Variants in NUP155 observed in about 807,000 individuals in gnomAD.
The protein encoded by NUP155 is nucleoporin 155.
Under a neutral mutation model 180.4 loss-of-function variants are expected in NUP155, and 71 were observed. The ratio of observed to expected loss-of-function variants is 0.39; its 90% CI spans 0.33 to 0.48. The LOEUF is 0.48. NUP155 is among the 20% of genes least tolerant of loss of function. The probability of loss-of-function intolerance (pLI) is 0.91; values close to 1 mark genes in which losing one functional copy is unlikely to be tolerated. For synonymous variants in NUP155, 582 were observed against 559.5 expected, an observed-to-expected ratio of 1.04 and a Z score of -0.57; for missense variants, 1,553 against 1,648.9, an observed-to-expected ratio of 0.94 and a Z score of 1.01.
chr5:37,357,324 G>A (rs570739666), intron 4 of NUP155, among the ~76,000 whole-genome samples: 2 of 145,458 alleles, frequency 1.4e-5, no homozygotes, highest in East Asian at 2.1e-4. Flanking sequence ...CTGAGCCTGG[G>A]AGGTTGAGGC....
At chr5:37,296,003 G>C (rs1297219883) in intron 32 of NUP155, among the ~76,000 whole-genome samples, 1 of 135,062 alleles carries the variant, frequency 7.4e-6, no homozygotes, top group African/African-American at 2.9e-5. Context: ...GGAGGGAGGA[G>C]GGGGGGGTCA....
chr5:37,295,181 C>T (rs1237104956), intron 32 of NUP155, among the ~76,000 whole-genome samples: 3 of 152,024 alleles, frequency 2.0e-5, no homozygotes, highest in Admixed American at 6.6e-5. Flanking sequence ...CGAGTGCCTG[C>T]GATTGCAGGT....
At chr5:37,365,707 CGGG>C (rs35648915) in intron 1 of NUP155, among the ~76,000 whole-genome samples, 3 of 14,226 alleles carry the variant, frequency 2.1e-4, no homozygotes, top group African/African-American at 3.8e-4. Context: ...GACTCTGTCT[CGGG>C]GAGAAAAAAA....
chr5:37,320,440 C>T (rs764397419), intron 20 of NUP155, among the ~76,000 whole-genome samples: 4 of 151,996 alleles, frequency 2.6e-5, no homozygotes, highest in Non-Finnish European at 4.4e-5. Flanking sequence ...ATCATGCCAT[C>T]GCACTCCAGC....
chr5:37,335,380 GAAA>G (rs5867345), intron 12 of NUP155, among the ~76,000 whole-genome samples: 5 of 116,624 alleles, frequency 4.3e-5, no homozygotes, highest in Admixed American at 8.9e-5. Flanking sequence ...CCCTGTCTCA[GAAA>G]AAAAAAAAAA....
chr5:37,316,590 G>A (rs372854635), intron 21 of NUP155, among the ~76,000 whole-genome samples: 64 of 152,058 alleles, frequency 4.2e-4, no homozygotes, highest in Admixed American at 3.0e-3. Flanking sequence ...TCGGCCTCCC[G>A]AGCAGCTGGG....
chr5:37,364,926 G>A (rs901442596), intron 1 of NUP155, among the ~76,000 whole-genome samples: 1 of 151,452 alleles, frequency 6.6e-6, no homozygotes, highest in South Asian at 2.1e-4. Flanking sequence ...GTGAGCCACC[G>A]TGCCCAGCTG....
Position 37,310,618 on chromosome 5 carries a change from G to T in NUP155, c.2562C>A (p.Gly854=), listed in dbSNP as rs113431287. The T allele has an allele frequency of 5.7e-5, 92 of 1,613,410 alleles. No individual in the cohort carries two copies. The highest frequency in any genetic ancestry group is 7.6e-5 in the Non-Finnish European group (90 of 1,179,672). ...CYIRDNAAVD[G]ISLHLQDICP... ...AGATATCCTGTAAATGTAAACTAAT[G>T]CCATCAACAGCGGCATTATCTCTGA... The change falls in exon 23 of 35, where the codon GGC becomes GGA. Residue 854 remains glycine (G), a synonymous_variant. Coordinates refer to ENST00000231498, the MANE Select transcript of NUP155 (RefSeq NM_153485.3).
intron 1 of NUP155, chr5:37,370,573 G>C: frequency 8.8e-7 from 1 of 1,134,400 alleles, no homozygotes; most frequent in Non-Finnish European, 1.2e-6. Context: ...TTAAGGTTGA[G>C]GTCTTTGCCT....
At position 37,333,407 on chromosome 5, in the gene NUP155, C is replaced by G. The variant is rs549481956; in HGVS notation, c.1518+56G>C. On this transcript the variant is annotated intron_variant, in intron 13 of 34. Transcript: ENST00000231498. Reference sequence around the variant, plus strand: ...TAAGCCACTACTTCAGAGAACTTGACAAAAATATTATACATCGCTTATTTT... The same window carrying G: ...TAAGCCACTACTTCAGAGAACTTGAGAAAAATATTATACATCGCTTATTTT... The G allele has an allele frequency of 2.5e-4, 369 of 1,498,920 alleles. 5 individuals carry two copies. The South Asian group carries it at 4.0e-3, about 16-fold the overall frequency. The allele number at this position is 1,498,920 out of a possible 1,614,324, so 92.9% of individuals were successfully genotyped here. A position where few individuals can be genotyped will look rare whatever the true frequency, so the allele number is the denominator to read the frequency against.
Position 37,364,232 on chromosome 5 carries a change from A to G in NUP155, c.295+15T>C, listed in dbSNP as rs1326827535. The G allele has an allele frequency of 6.3e-7, 1 of 1,592,268 alleles. No individual in the cohort carries two copies. The highest frequency in any genetic ancestry group is 8.6e-7 in the Non-Finnish European group (1 of 1,160,580). ...ATTTTAACATTTTTAAAATAAATACAAAGTAATAGGATACGTCCAAACTGC... is the reference window on the plus strand; with the variant it reads ...ATTTTAACATTTTTAAAATAAATACGAAGTAATAGGATACGTCCAAACTGC... On this transcript the variant is annotated intron_variant, in intron 2 of 34. Coordinates refer to ENST00000231498, the MANE Select transcript of NUP155 (RefSeq NM_153485.3).
chr5:37,297,453 A>G (rs1742647813), intron 32 of NUP155, among the ~76,000 whole-genome samples: 1 of 152,100 alleles, frequency 6.6e-6, no homozygotes, highest in Admixed American at 6.6e-5. Context: ...ATCTCAGCTC[A>G]CTGCAGTTTT....
intron 12 of NUP155, among the ~76,000 whole-genome samples, chr5:37,336,932 CA>C (rs1312948476): frequency 1.3e-5 from 2 of 152,142 alleles, no homozygotes. Flanking sequence ...AAACTAGAAG[CA>C]AAATGCCTGT....
chr5:37,323,947 C>G lies in NUP155; in HGVS notation c.2207+45G>C, dbSNP rs74720707. On this transcript the variant is annotated intron_variant, in intron 20 of 34. Transcript: ENST00000231498. Reference sequence around the variant, plus strand: ...ATGTAAATCATCTCAACAAAAAATACAACGAAAAGAAAAAGATGAATTAAT... The same window carrying G: ...ATGTAAATCATCTCAACAAAAAATAGAACGAAAAGAAAAAGATGAATTAAT... The G allele has an allele frequency of 1.1e-3, 1,444 of 1,336,376 alleles. 15 individuals carry two copies. In the African/African-American group the frequency reaches 0.018, roughly 17 times the overall value. The allele number at this position is 1,336,376 out of a possible 1,614,324, so 82.8% of individuals were successfully genotyped here. A position where few individuals can be genotyped will look rare whatever the true frequency, so the allele number is the denominator to read the frequency against.
At chr5:37,311,587 T>C (rs956316593) in intron 22 of NUP155, among the ~76,000 whole-genome samples, 1 of 152,014 alleles carries the variant, frequency 6.6e-6, no homozygotes, top group Non-Finnish European at 1.5e-5. Flanking sequence ...CCTTCCAACG[T>C]TGAAAAATGG....
intron 32 of NUP155, among the ~76,000 whole-genome samples, chr5:37,296,382 AC>A (rs1021753898): frequency 6.6e-6 from 1 of 151,884 alleles, no homozygotes; most frequent in African/African-American, 2.4e-5. Flanking sequence ...CTTACCCCCA[AC>A]CCTGTGCTCT....
At chr5:37,292,063 AATTAT>A (rs756978206) in intron 34 of NUP155, 25 bp from the exon 35 acceptor site, 1 of 1,612,804 alleles carries the variant, frequency 6.2e-7, no homozygotes, top group South Asian at 1.1e-5. Context: ...ACACATGATT[AATTAT>A]ACATTTACAA....
At chr5:37,308,061 AAAT>A (rs1479701903) in intron 24 of NUP155, among the ~76,000 whole-genome samples, 1 of 151,908 alleles carries the variant, frequency 6.6e-6, no homozygotes, top group Non-Finnish European at 1.5e-5. Flanking sequence ...TTGGGATTCA[AAAT>A]AATACCTGTG....
In NUP155 at chr5:37,293,003, T is replaced by C. The variant is rs374002271; in HGVS notation, c.3931-18A>G. 4 of 1,486,344 alleles carry C rather than the reference T, an allele frequency of 2.7e-6. No individual in the cohort carries two copies. Among genetic ancestry groups the C allele is most frequent in the South Asian group, 1.1e-5 (1 of 88,304 alleles). 92.1% of individuals were successfully genotyped at this position (1,486,344 alleles called of 1,614,324 possible). A position where few individuals can be genotyped will look rare whatever the true frequency, so the allele number is the denominator to read the frequency against. On this transcript the variant is annotated intron_variant, in intron 33 of 34. Transcript: ENST00000231498. ...AATGGATCCTATGAAGAAATATACATAATGAAATGTGAGGCAAATTGTGTC... is the reference window on the plus strand; with the variant it reads ...AATGGATCCTATGAAGAAATATACACAATGAAATGTGAGGCAAATTGTGTC...
Sources: gnomAD v4.1 joint callset for allele counts (sites outside exome capture counted in the v4.1 genomes callset) on GRCh38, gnomAD v4.1.1 for gene constraint, MANE v1.5 for transcripts, NCBI Gene and HGNC (gene_info 2026-07-23, HGNC 2026-07-21) for gene names.